ABCA1: variants seen among roughly 807,000 people sequenced by gnomAD.
ABCA1 encodes the protein ATP binding cassette subfamily A member 1, also known as phospholipid-transporting ATPase ABCA1.
A neutral mutation model predicts 262.5 loss-of-function variants in ABCA1; 133 were observed. The observed-to-expected ratio is 0.51, with a 90% CI of 0.44 to 0.59. ABCA1 has a LOEUF of 0.59. Ranked by LOEUF, ABCA1 falls within the 20% of genes least tolerant of loss-of-function variation. The pLI is 0.00. For synonymous variants in ABCA1, 1,022 were observed against 1,043.5 expected, an observed-to-expected ratio of 0.98 and a Z score of 0.40; for missense variants, 2,452 against 2,777.5, an observed-to-expected ratio of 0.88 and a Z score of 2.63.
chr9:104,806,485 T>C (rs1830778247), intron 30 of ABCA1, 55 bp from the exon 31 acceptor site: 1 of 1,569,516 alleles, frequency 6.4e-7, no homozygotes, highest in African/African-American at 1.4e-5. Context: ...GGCCTTTCTG[T>C]TGCCTCAGGA....
Position 104,810,922 on chromosome 9 carries a change from A to C in ABCA1, c.4053T>G (p.Ile1351Met). ...TGCAGACAAACACAGCTGGCAAGAC[A>C]ATCTTTACCCAGGCAGTGGAGGGGG... ...RRSRKGFFAQ[I>M]VLPAVFVCIA... Residue 1351 changes from isoleucine (I) to methionine (M), a missense_variant and splice_region_variant, in exon 29 of 50, where the codon ATT becomes ATG. Physicochemically the swap from Ile to Met is conservative, Grantham distance 10. This residue lies in a region of ABCA1 where 665 missense variants were observed against 727.3 expected (regional missense o/e 0.91). Transcript: ENST00000374736. The C allele has an allele frequency of 6.2e-7, 1 of 1,614,216 alleles. No individual in the cohort carries two copies. Among genetic ancestry groups the C allele is most frequent in the Non-Finnish European group, 8.5e-7 (1 of 1,180,036 alleles).
Position 104,837,538 on chromosome 9 carries a change from A to G in ABCA1, c.1084T>C (p.Leu362=), listed in dbSNP as rs1409397996. The change falls in exon 10 of 50, where the codon TTG becomes CTG. Residue 362 remains leucine, a synonymous_variant. Transcript: ENST00000374736. ...ATGCGGGAAAGAGGACTAGACTCCAAATTCTTCATCAAATCATTGCAGTAA... is the reference window on the plus strand; with the variant it reads ...ATGCGGGAAAGAGGACTAGACTCCAGATTCTTCATCAAATCATTGCAGTAA... ...TPYCNDLMKN[L]ESSPLSRIIW... 1.2e-6 allele frequency: 2 copies of G among 1,614,060 alleles called. No individual in the cohort carries two copies. Among genetic ancestry groups the G allele is most frequent in the Non-Finnish European group, 1.7e-6 (2 of 1,180,028 alleles).
At chr9:104,874,758 G>A (rs564241106) in intron 5 of ABCA1, among the ~76,000 whole-genome samples, 51 of 144,076 alleles carry the variant, frequency 3.5e-4, no homozygotes, top group African/African-American at 1.2e-3. Context: ...GCAGCCAGCC[G>A]CCCCGTCCGG....
At chr9:104,842,380 C>G (rs1234233000) in intron 8 of ABCA1, among the ~76,000 whole-genome samples, 1 of 152,090 alleles carries the variant, frequency 6.6e-6, no homozygotes, top group Non-Finnish European at 1.5e-5. Flanking sequence ...TGAGTCAAAA[C>G]ACTCACTTCT....
intron 38 of ABCA1, 38 bp downstream of exon 38, chr9:104,796,271 T>C: frequency 6.2e-7 from 1 of 1,613,972 alleles, no homozygotes; most frequent in Non-Finnish European, 8.5e-7. Context: ...CCAAATGCCT[T>C]ATCCACTGTG....
At chr9:104,866,485 C>CTT (rs1384378087) in intron 5 of ABCA1, among the ~76,000 whole-genome samples, 14 of 144,938 alleles carry the variant, frequency 9.7e-5, no homozygotes, top group Admixed American at 6.9e-5. Flanking sequence ...TTTTTTGTGA[C>CTT]TTTTTTTTTT....
intron 25 of ABCA1, 140 bp downstream of exon 25, chr9:104,816,003 G>A (rs943493080): frequency 1.1e-6 from 1 of 942,650 alleles, no homozygotes; most frequent in Non-Finnish European, 1.7e-6. Flanking sequence ...GGCTCACTGG[G>A]GCCAACATTA....
chr9:104,906,305 G>C (rs1337815580), intron 1 of ABCA1, among the ~76,000 whole-genome samples: 1 of 152,102 alleles, frequency 6.6e-6, no homozygotes, highest in African/African-American at 2.4e-5. Flanking sequence ...CCTAAACCCT[G>C]AGTGGAAAAG....
chr9:104,819,320 C>A (rs1347781230), intron 22 of ABCA1, among the ~76,000 whole-genome samples: 1 of 152,188 alleles, frequency 6.6e-6, no homozygotes, highest in Non-Finnish European at 1.5e-5. Context: ...CAATCGTCTT[C>A]CTGCCCCTCT....
intron 1 of ABCA1, among the ~76,000 whole-genome samples, chr9:104,921,055 A>G (rs927647377): frequency 6.6e-6 from 1 of 150,882 alleles, no homozygotes; most frequent in African/African-American, 2.4e-5. Context: ...TTGCATCTAT[A>G]CTCCAAGATG....
At position 104,881,876 on chromosome 9, in the gene ABCA1, G is replaced by A. The variant is rs1037522008; in HGVS notation, c.421+1163C>T. ...GGCTGCACAGCCAGGAGTTGTCTAA[G>A]TGGACACTCCAAGCACAGCCATACC... is the stretch of plus-strand genomic sequence containing the variant. On this transcript the variant is annotated intron_variant, in intron 5 of 49. Transcript: ENST00000374736. 9.9e-5 allele frequency among the ~76,000 whole-genome samples: 15 copies of A among 151,932 alleles called. No individual in the cohort carries two copies. In the South Asian group the frequency reaches 3.1e-3, roughly 32 times the overall value.
At position 104,799,891 on chromosome 9, in the gene ABCA1, G is replaced by C; in HGVS notation, c.4871C>G (p.Pro1624Arg). 1.2e-6 allele frequency: 2 copies of C among 1,614,078 alleles called. No homozygotes were observed. The highest frequency in any genetic ancestry group is 1.7e-6 in the Non-Finnish European group (2 of 1,180,016). Residue 1624 changes from proline to arginine, a missense_variant, in exon 36 of 50, where the codon CCT (proline) becomes CGT (arginine). Pro to Arg is a moderately radical substitution (Grantham distance 103, BLOSUM62 -2). This residue lies in a region of ABCA1 where 752 missense variants were observed against 944.5 expected (regional missense o/e 0.80). Transcript: ENST00000374736. ...GAAAGCAGTAATTCCATAATGGCTAGGGTTCTCTCCCTTTTGCAGGTTGGC... is the reference window on the plus strand; with the variant it reads ...GAAAGCAGTAATTCCATAATGGCTACGGTTCTCTCCCTTTTGCAGGTTGGC... ...LRANLQKGEN[P>R]SHYGITAFNH...
intron 46 of ABCA1, 113 bp from the exon 47 acceptor site, chr9:104,787,089 C>A: frequency 5.0e-6 from 4 of 805,442 alleles, no homozygotes; most frequent in Non-Finnish European, 7.8e-6. Context: ...ACTTGCCATT[C>A]TAGTTATTTC....
intron 41 of ABCA1, 31 bp downstream of exon 41, chr9:104,793,140 G>A (rs1564084216): frequency 6.2e-7 from 1 of 1,613,628 alleles, no homozygotes; most frequent in Non-Finnish European, 8.5e-7. Flanking sequence ...CCCTCAACCA[G>A]GTGCTCCACG....
chr9:104,806,781 G>A (rs932395972), intron 30 of ABCA1, among the ~76,000 whole-genome samples: 1 of 152,072 alleles, frequency 6.6e-6, no homozygotes, highest in Non-Finnish European at 1.5e-5. Flanking sequence ...CAGTATATTC[G>A]AGGGCCTAAG....
intron 5 of ABCA1, among the ~76,000 whole-genome samples, chr9:104,864,098 A>G (rs1157702668): frequency 1.3e-5 from 2 of 152,224 alleles, no homozygotes; most frequent in Non-Finnish European, 2.9e-5. Flanking sequence ...CCTATAGGAT[A>G]GGGAATATGC....
chr9:104,876,771 G>A (rs1234715757), intron 5 of ABCA1, among the ~76,000 whole-genome samples: 1 of 152,146 alleles, frequency 6.6e-6, no homozygotes, highest in African/African-American at 2.4e-5. Flanking sequence ...TCACCAGAGA[G>A]GGGGCACAGC....
At chr9:104,803,601 T>C (rs1160004471) in intron 32 of ABCA1, among the ~76,000 whole-genome samples, 3 of 150,536 alleles carry the variant, frequency 2.0e-5, no homozygotes, top group Non-Finnish European at 2.9e-5. Flanking sequence ...ACTAGAAGCT[T>C]TTTCTTTCTT....
chr9:104,883,977 G>T (rs1468788167), intron 4 of ABCA1, among the ~76,000 whole-genome samples: 1 of 152,190 alleles, frequency 6.6e-6, no homozygotes, highest in Admixed American at 6.5e-5. Context: ...ATTGTAGTCT[G>T]ATGGGGCAGT....
Sources: allele counts gnomAD v4.1 joint callset (sites outside exome capture counted in the v4.1 genomes callset), GRCh38; gene constraint gnomAD v4.1.1; regional missense constraint gnomAD v4.1.1; transcripts MANE v1.5; gene names NCBI Gene and HGNC (gene_info 2026-07-23, HGNC 2026-07-21).